The following DHX36 variants were observed in gnomAD, a reference collection of about 807,000 sequenced individuals.
The protein encoded by DHX36 is ATP-dependent DNA/RNA helicase DHX36.
Under a neutral mutation model 139.0 loss-of-function variants are expected in DHX36, and 50 were observed. That is an observed-to-expected ratio of 0.36 (90% CI 0.29 to 0.46). DHX36 has a LOEUF of 0.46. Among genes scored for constraint, DHX36 ranks in the 20% least tolerant of loss-of-function variants. The probability of loss-of-function intolerance (pLI) is 1.00; values close to 1 mark genes in which losing one functional copy is unlikely to be tolerated. For missense variants in DHX36, 1,024 were observed against 1,211.3 expected (o/e 0.85, Z 2.29); for synonymous variants, 425 against 401.9 (o/e 1.06, Z -0.69).
chr3:154,301,352 G>T (rs1317070769), intron 9 of DHX36, among the ~76,000 whole-genome samples: 3 of 152,130 alleles, frequency 2.0e-5, no homozygotes, highest in Non-Finnish European at 2.9e-5. Flanking sequence ...TAAACCTATA[G>T]ATCATTTTTA....
intron 3 of DHX36, among the ~76,000 whole-genome samples, chr3:154,313,920 C>T (rs1239216845): frequency 6.6e-6 from 1 of 152,092 alleles, no homozygotes; most frequent in African/African-American, 2.4e-5. Context: ...GTCTCTTATT[C>T]AAGGTTGTTG....
chr3:154,315,115 T>C lies in DHX36; in HGVS notation c.534A>G (p.Gly178=). 1 of 1,613,538 alleles carries C rather than the reference T, an allele frequency of 6.2e-7. No individual in the cohort carries two copies. Among genetic ancestry groups the C allele is most frequent in the Non-Finnish European group, 8.5e-7 (1 of 1,179,734 alleles). ...CTTCCAATAATTTTTGGTCTAAAGT[T>C]CCATCTGGTTCATTTTCTTGCAAGA... ...EYLLQENEPD[G]TLDQKLLEDL... is the part of the protein sequence containing the mutation. The change falls in exon 3 of 25, where the codon GGA becomes GGG. Residue 178 remains glycine (G), a synonymous_variant. Coordinates refer to ENST00000496811, the MANE Select transcript of DHX36 (RefSeq NM_020865.3).
intron 5 of DHX36, among the ~76,000 whole-genome samples, chr3:154,306,895 A>G (rs1260391690): frequency 2.0e-5 from 3 of 152,276 alleles, no homozygotes; most frequent in South Asian, 4.1e-4. Context: ...AAACTTTCCA[A>G]TAAGTATATC....
intron 5 of DHX36, among the ~76,000 whole-genome samples, chr3:154,307,805 A>G (rs1712561979): frequency 6.6e-6 from 1 of 151,988 alleles, no homozygotes; most frequent in Admixed American, 6.6e-5. Context: ...GTCAAAAAAA[A>G]AAAAATACTT....
At chr3:154,290,886 G>A (rs940861280) in intron 15 of DHX36, among the ~76,000 whole-genome samples, 2 of 151,196 alleles carry the variant, frequency 1.3e-5, no homozygotes, top group African/African-American at 4.9e-5. Flanking sequence ...TGTAATCCCA[G>A]CACTTTGGGA....
At chr3:154,297,895 T>C (rs1712106425) in intron 12 of DHX36, among the ~76,000 whole-genome samples, 1 of 152,132 alleles carries the variant, frequency 6.6e-6, no homozygotes, top group Non-Finnish European at 1.5e-5. Context: ...ATCTATACTC[T>C]TATGAAAAGA....
At chr3:154,318,662 GCATATGTA>G (rs1207487391) in intron 1 of DHX36, among the ~76,000 whole-genome samples, 1 of 152,124 alleles carries the variant, frequency 6.6e-6, no homozygotes, top group African/African-American at 2.4e-5. Flanking sequence ...CTTACACAAT[GCATATGTA>G]CCAAGTAAGC....
In DHX36 at chr3:154,272,719, T is replaced by C. The variant is rs1719033967; in HGVS notation, c.*3452A>G. 1 of 152,040 alleles carries C rather than the reference T, an allele frequency of 6.6e-6. No individual in the cohort carries two copies. The highest frequency in any genetic ancestry group is 1.5e-5 in the Non-Finnish European group (1 of 67,992). 9.4% of individuals were successfully genotyped at this position (152,040 alleles called of 1,614,324 possible). A position where few individuals can be genotyped will look rare whatever the true frequency, so the allele number is the denominator to read the frequency against. On this transcript the variant is annotated 3_prime_UTR_variant, in exon 25 of 25. Transcript: ENST00000496811. ...TTAAAATCAGAACAAAAATCCCATT[T>C]AAAAGCAATTAGCATATTAAAAATA...
rs1712766973 is a variant in DHX36, at chr3:154,311,645, T to C, written c.633A>G (p.Gly211=). 6.3e-7 allele frequency: 1 copy of C among 1,597,738 alleles called. No homozygotes were observed. The highest frequency in any genetic ancestry group is 1.8e-5 in the Admixed American group (1 of 55,602). ...QHFREKLPSY[G]MQKELVNLID... ...GAAAAAAGCACTTTACCTTTTGCAT[T>C]CCATACGAAGGCAGCTTTTCTCTGA... The change falls in exon 4 of 25, where the codon GGA becomes GGG. Residue 211 remains glycine, a synonymous_variant. Coordinates refer to ENST00000496811, the MANE Select transcript of DHX36 (RefSeq NM_020865.3).
chr3:154,289,274 C>T (rs1316104282), intron 16 of DHX36, among the ~76,000 whole-genome samples: 1 of 152,176 alleles, frequency 6.6e-6, no homozygotes, highest in Non-Finnish European at 1.5e-5. Flanking sequence ...GCTGATTACT[C>T]ACTATCTTCA....
chr3:154,311,781 T>C, intron 3 of DHX36, 107 bp from the exon 4 acceptor site: 1 of 747,968 alleles, frequency 1.3e-6, no homozygotes, highest in Non-Finnish European at 2.1e-6. Flanking sequence ...TCCGAAAGTA[T>C]TTTTATTATC....
In DHX36 at chr3:154,304,245, G is replaced by A. The variant is rs535575634; in HGVS notation, c.1135+561C>T. Among the ~76,000 whole-genome samples, 25 of 152,266 alleles carry A rather than the reference G, an allele frequency of 1.6e-4. No homozygotes were observed. In the South Asian group the frequency reaches 5.2e-3, roughly 32 times the overall value. On this transcript the variant is annotated intron_variant, in intron 8 of 24. Transcript: ENST00000496811. Reference sequence around the variant, plus strand: ...TTCCTTCACAAGTATAAGCAGGAAAGACAGTGAGGATTAATTTTAAAAGAA... The same window carrying A: ...TTCCTTCACAAGTATAAGCAGGAAAAACAGTGAGGATTAATTTTAAAAGAA...
At chr3:154,321,822 G>A (rs1164436536) in intron 1 of DHX36, among the ~76,000 whole-genome samples, 1 of 151,886 alleles carries the variant, frequency 6.6e-6, no homozygotes, top group Non-Finnish European at 1.5e-5. Flanking sequence ...AGCCAAGTGT[G>A]GTGGTGCACA....
At chr3:154,291,868 A>C (rs1711829717) in intron 15 of DHX36, among the ~76,000 whole-genome samples, 1 of 152,238 alleles carries the variant, frequency 6.6e-6, no homozygotes, top group African/African-American at 2.4e-5. Context: ...ATTAAAGTCC[A>C]ATTCTTTGTA....
intron 1 of DHX36, among the ~76,000 whole-genome samples, chr3:154,323,740 C>T (rs1713287947): frequency 6.6e-6 from 1 of 152,190 alleles, no homozygotes; most frequent in Non-Finnish European, 1.5e-5. Context: ...ACAGTGTCTG[C>T]CTGCTTTTGT....
In DHX36 at chr3:154,276,069, A is replaced by G; in HGVS notation, c.*102T>C. On this transcript the variant is annotated 3_prime_UTR_variant, in exon 25 of 25. Coordinates refer to ENST00000496811, the MANE Select transcript of DHX36 (RefSeq NM_020865.3). ...CCTACTGAAGGCTTCTACCTTACAC[A>G]TGAAAATTGTTCATGTCCCAGGGTT... 2 of 1,146,332 alleles carry G rather than the reference A, an allele frequency of 1.7e-6. No individual in the cohort carries two copies. The highest frequency in any genetic ancestry group is 2.5e-6 in the Non-Finnish European group (2 of 803,120). The allele number at this position is 1,146,332 out of a possible 1,614,324, so 71.0% of individuals were successfully genotyped here. A position where few individuals can be genotyped will look rare whatever the true frequency, so the allele number is the denominator to read the frequency against.
intron 12 of DHX36, 45 bp downstream of exon 12, chr3:154,299,793 C>G: frequency 7.1e-7 from 1 of 1,401,608 alleles, no homozygotes; most frequent in East Asian, 2.3e-5. Context: ...ATATATAATT[C>G]AAATACCACT....
At chr3:154,283,928 G>C (rs1363353692) in intron 19 of DHX36, among the ~76,000 whole-genome samples, 2 of 152,040 alleles carry the variant, frequency 1.3e-5, no homozygotes, top group Non-Finnish European at 2.9e-5. Context: ...TGAATACAGG[G>C]TAGTTTATTA....
intron 12 of DHX36, among the ~76,000 whole-genome samples, chr3:154,297,345 G>A (rs1712084366): frequency 6.6e-6 from 1 of 152,192 alleles, no homozygotes; most frequent in African/African-American, 2.4e-5. Flanking sequence ...AAATGTGACA[G>A]CTGCAATTGA....
Sources: gnomAD v4.1 joint callset for allele counts (sites outside exome capture counted in the v4.1 genomes callset) on GRCh38, gnomAD v4.1.1 for gene constraint, MANE v1.5 for transcripts, NCBI Gene and HGNC (gene_info 2026-07-23, HGNC 2026-07-21) for gene names.